The following DISP3 variants were observed in gnomAD, a reference collection of about 807,000 sequenced individuals.
DISP3 encodes the protein protein dispatched homolog 3.
Under a neutral mutation model 135.3 loss-of-function variants are expected in DISP3, and 101 were observed. The ratio of observed to expected loss-of-function variants is 0.75; its 90% CI spans 0.64 to 0.88. The LOEUF is 0.88. Among genes scored for constraint, DISP3 ranks in the 40% least tolerant of loss-of-function variants. The probability of loss-of-function intolerance (pLI) is 0.00; values close to 1 mark genes in which losing one functional copy is unlikely to be tolerated. For missense variants in DISP3, 1,713 were observed against 1,878.6 expected (o/e 0.91, Z 1.63); for synonymous variants, 856 against 817.0 (o/e 1.05, Z -0.81).
At chr1:11,523,795 C>T (rs1642324983) in intron 10 of DISP3, 147 bp from the exon 11 acceptor site, 1 of 595,714 alleles carries the variant, frequency 1.7e-6, no homozygotes, top group Non-Finnish European at 3.0e-6. Flanking sequence ...TTTCTAGTTT[C>T]TTTCTGACCC....
At position 11,519,044 on chromosome 1, in the gene DISP3, G is replaced by A. The variant is rs1642093738; in HGVS notation, c.1890-311G>A. ...GGCAGAGCCCCTGGGCCACACAGCA[G>A]CAGAGGAATGAGTCCCCTGATTTGA... is the stretch of plus-strand genomic sequence containing the variant. On this transcript the variant is annotated intron_variant, in intron 7 of 20. Coordinates refer to ENST00000294484, the MANE Select transcript of DISP3 (RefSeq NM_020780.2). This position sits in a 1 kb window ranked among gnomAD's most constrained non-coding sequence, Gnocchi z 4.3. 6.6e-6 allele frequency among the ~76,000 whole-genome samples: 1 copy of A among 152,168 alleles called. No homozygotes were observed. Among genetic ancestry groups the A allele is most frequent in the Non-Finnish European group, 1.5e-5 (1 of 68,030 alleles).
intron 15 of DISP3, 31 bp from the exon 16 acceptor site, chr1:11,530,876 G>GC (rs1642558228): frequency 3.1e-6 from 5 of 1,611,930 alleles, no homozygotes; most frequent in Non-Finnish European, 4.2e-6. Flanking sequence ...TCACTGAGCG[G>GC]CCCGGGCCGG....
At chr1:11,493,065 A>C (rs1278146563) in intron 1 of DISP3, among the ~76,000 whole-genome samples, 1 of 152,200 alleles carries the variant, frequency 6.6e-6, no homozygotes, top group African/African-American at 2.4e-5. Flanking sequence ...TATATATATC[A>C]GAGAGAGATT....
chr1:11,533,035 G>A (rs758309164), intron 17 of DISP3, among the ~76,000 whole-genome samples: 2 of 151,864 alleles, frequency 1.3e-5, no homozygotes, highest in Non-Finnish European at 2.9e-5. Context: ...CGACTCTGTG[G>A]CATTAAGTAT....
intron 3 of DISP3, among the ~76,000 whole-genome samples, chr1:11,507,193 C>T (rs1480331371): frequency 2.0e-5 from 3 of 152,114 alleles, no homozygotes; most frequent in Non-Finnish European, 2.9e-5. Context: ...AGAGTCGTGG[C>T]TGATTACCTT....
At position 11,502,866 on chromosome 1, in the gene DISP3, T is replaced by C; in HGVS notation, c.1285T>C (p.Tyr429His). The C allele has an allele frequency of 6.2e-7, 1 of 1,613,988 alleles. No homozygotes were observed. Among genetic ancestry groups the C allele is most frequent in the South Asian group, 1.1e-5 (1 of 91,054 alleles). The stretch of plus-strand genomic sequence containing the variant: ...TAAGTTTCAGAGCTTCGTGGTCACC[T>C]ACGTGGCCATGCTGGCCAAGCAGTC... Reference protein sequence around the residue: ...RAKFQSFVVTYVAMLAKQSTS... With the variant: ...RAKFQSFVVTHVAMLAKQSTS... The change falls in exon 3 of 21, where the codon TAC becomes CAC. Residue 429 changes from tyrosine (Y) to histidine (H), a missense_variant. By Grantham distance (83) the Tyr-to-His change is moderately conservative (BLOSUM62 2). Around this residue, in one of 2 missense-constraint regions of DISP3, gnomAD observed 1,142 missense variants for 1,384.6 expected, o/e 0.82. Transcript: ENST00000294484.
intron 15 of DISP3, among the ~76,000 whole-genome samples, chr1:11,530,566 G>A (rs1369535813): frequency 6.6e-6 from 1 of 152,144 alleles, no homozygotes; most frequent in Non-Finnish European, 1.5e-5. Flanking sequence ...CGGAGCAGGG[G>A]TGGGGGGACC....
Position 11,536,848 on chromosome 1 carries a change from T to TG in DISP3, c.*163dup, listed in dbSNP as rs1172247714. 5 of 1,006,786 alleles carry TG rather than the reference T, an allele frequency of 5.0e-6. No homozygotes were observed. The highest frequency in any genetic ancestry group is 7.0e-6 in the Non-Finnish European group (5 of 717,020). The allele number at this position is 1,006,786 out of a possible 1,614,324, so 62.4% of individuals were successfully genotyped here. ...CCCACACAGATGGTGTGGACCATGC[T>TG]GCCTTGTGGAGCTGGGAGTTGGAGA... On this transcript the variant is annotated 3_prime_UTR_variant, in exon 21 of 21. Transcript: ENST00000294484. The surrounding 1 kb of genome is among the most constrained non-coding windows in gnomAD (Gnocchi z 4.3).
chr1:11,527,373 C>A (rs1327045541), intron 13 of DISP3, among the ~76,000 whole-genome samples: 1 of 152,118 alleles, frequency 6.6e-6, no homozygotes, highest in African/African-American at 2.4e-5. Flanking sequence ...CACAGTGAAA[C>A]TCCTTCTCTA....
At chr1:11,484,413 T>G (rs1283750366) in intron 1 of DISP3, among the ~76,000 whole-genome samples, 2 of 152,174 alleles carry the variant, frequency 1.3e-5, no homozygotes, top group African/African-American at 2.4e-5. Flanking sequence ...CTATTTATAT[T>G]ACACCTCCAG....
intron 1 of DISP3, among the ~76,000 whole-genome samples, chr1:11,497,810 TC>T (rs1464706802): frequency 1.3e-5 from 2 of 152,204 alleles, no homozygotes; most frequent in African/African-American, 4.8e-5. Context: ...TCTAATCTCA[TC>T]CAGGTTGCTG....
At position 11,531,940 on chromosome 1, in the gene DISP3, C is replaced by T. The variant is rs2100514678; in HGVS notation, c.3375+230C>T. 6.6e-6 allele frequency among the ~76,000 whole-genome samples: 1 copy of T among 152,340 alleles called. No individual in the cohort carries two copies. Among genetic ancestry groups the T allele is most frequent in the South Asian group, 2.1e-4 (1 of 4,826 alleles). ...CCATGGGCGGCCTGCCAGTTCCCTT[C>T]CACCCACCTTTCCCCTTCCCTCCCT... On this transcript the variant is annotated intron_variant, in intron 17 of 20. Coordinates refer to ENST00000294484, the MANE Select transcript of DISP3 (RefSeq NM_020780.2). This position sits in a 1 kb window ranked among gnomAD's most constrained non-coding sequence, Gnocchi z 5.2.
chr1:11,482,672 C>T (rs114477843), intron 1 of DISP3, among the ~76,000 whole-genome samples: 1 of 152,272 alleles, frequency 6.6e-6, no homozygotes, highest in African/African-American at 2.4e-5. Context: ...TCCCTTCCCC[C>T]TCTTTGAAAT....
intron 12 of DISP3, 125 bp downstream of exon 12, chr1:11,525,437 C>G: frequency 8.3e-7 from 1 of 1,209,508 alleles, no homozygotes; most frequent in Non-Finnish European, 1.1e-6. Context: ...GAAGACCCCC[C>G]TCCCCTAAAC....
chr1:11,532,860 G>A (rs527864025), intron 17 of DISP3, among the ~76,000 whole-genome samples: 46 of 152,160 alleles, frequency 3.0e-4, no homozygotes, highest in Non-Finnish European at 6.0e-4. Flanking sequence ...ATCACACCTA[G>A]CTAATTTTTT....
intron 3 of DISP3, among the ~76,000 whole-genome samples, chr1:11,511,381 A>G (rs1048887380): frequency 7.9e-5 from 12 of 152,360 alleles, no homozygotes; most frequent in Admixed American, 5.2e-4. Context: ...TTCGTTAAAT[A>G]CAACCATTCC....
chr1:11,529,589 C>T lies in DISP3; in HGVS notation c.2832C>T (p.Pro944=), dbSNP rs946910477. The T allele has an allele frequency of 1.9e-6, 3 of 1,599,036 alleles. No individual in the cohort carries two copies. The highest frequency in any genetic ancestry group is 3.4e-5 in the Admixed American group (2 of 58,674). ...ACTTCGCCCAGTCCCACAAGCCCCC[C>T]TTCCACGGGCGCGTATGCATGGCAC... The part of the protein sequence containing the change: ...KLYFAQSHKP[P]FHGRVCMAPP... The change falls in exon 14 of 21, where the codon CCC becomes CCT. Residue 944 remains proline, a synonymous_variant. Transcript: ENST00000294484. This position sits in a 1 kb window ranked among gnomAD's most constrained non-coding sequence, Gnocchi z 4.7.
In DISP3 at chr1:11,517,311, G is replaced by A. The variant is rs923778350; in HGVS notation, c.1750-152G>A. ...TGGCTCCTGGTGTCCTGTGAGGCTA[G>A]TGCCTGGCATTCTGGCAGCCTGGGC... On this transcript the variant is annotated intron_variant, in intron 6 of 20. Coordinates refer to ENST00000294484, the MANE Select transcript of DISP3 (RefSeq NM_020780.2). 5.6e-5 allele frequency: 56 copies of A among 999,440 alleles called. No homozygotes were observed. The African/African-American group carries it at 8.5e-4, about 15-fold the overall frequency. 61.9% of individuals were successfully genotyped at this position (999,440 alleles called of 1,614,324 possible). A position where few individuals can be genotyped will look rare whatever the true frequency, so the allele number is the denominator to read the frequency against.
chr1:11,490,047 G>C (rs1641140120), intron 1 of DISP3, among the ~76,000 whole-genome samples: 1 of 152,136 alleles, frequency 6.6e-6, no homozygotes, highest in Non-Finnish European at 1.5e-5. Flanking sequence ...GCTGGGCCCA[G>C]AGGTTCCTCT....
Sources: allele counts gnomAD v4.1 joint callset (sites outside exome capture counted in the v4.1 genomes callset), GRCh38; gene constraint gnomAD v4.1.1; regional missense constraint gnomAD v4.1.1; non-coding constraint Gnocchi (gnomAD v3.1); transcripts MANE v1.5; gene names NCBI Gene and HGNC (gene_info 2026-07-23, HGNC 2026-07-21).